Variants in ATP10B observed in about 807,000 individuals in gnomAD.
The protein encoded by ATP10B is phospholipid-transporting ATPase VB.
In ATP10B, 122 loss-of-function variants were observed where a neutral mutation model predicts 141.2. That is an observed-to-expected ratio of 0.86 (90% CI 0.75 to 1.00). ATP10B has a LOEUF of 1.00. ATP10B is among the 50% of genes least tolerant of loss of function. ATP10B has a pLI of 0.00. For missense variants in ATP10B, 1,876 were observed against 1,825.3 expected, an observed-to-expected ratio of 1.03 and a Z score of -0.51; for synonymous variants, 685 against 692.0, an observed-to-expected ratio of 0.99 and a Z score of 0.16.
chr5:160,840,017 G>A (rs184965108), intron 1 of ATP10B, among the ~76,000 whole-genome samples: 180 of 151,994 alleles, frequency 1.2e-3, no homozygotes, highest in African/African-American at 4.0e-3. Context: ...AAATATTTAG[G>A]AGCAAGCACA....
At chr5:160,715,790 C>T (rs1765606484) in intron 3 of ATP10B, among the ~76,000 whole-genome samples, 1 of 151,838 alleles carries the variant, frequency 6.6e-6, no homozygotes, top group Non-Finnish European at 1.5e-5. Context: ...CGGCTCACTG[C>T]AACCTTTGCC....
intron 25 of ATP10B, among the ~76,000 whole-genome samples, chr5:160,568,981 C>G (rs1293608871): frequency 6.6e-6 from 1 of 152,156 alleles, no homozygotes; most frequent in African/African-American, 2.4e-5. Flanking sequence ...CTGGCAATTT[C>G]ATGCACAATT....
Position 160,688,111 on chromosome 5 carries a change from GAGGAGCTATGTTT to G in ATP10B, c.-20-30_-20-18del. On this transcript the variant is annotated intron_variant, in intron 4 of 25. Transcript: ENST00000327245. ...GGCGAAGATCTGAAAACAGACACAG[GAGGAGCTATGTTT>G]AGGAGAAACGTGCAGCATGTTGGCC... is the stretch of plus-strand genomic sequence containing the variant. 6.3e-7 allele frequency: 1 copy of G among 1,596,450 alleles called. No individual in the cohort carries two copies. The highest frequency in any genetic ancestry group is 1.1e-5 in the South Asian group (1 of 87,802).
Position 160,742,370 on chromosome 5 carries a change from T to C in ATP10B, c.-330-25336A>G, listed in dbSNP as rs549781422. ...GCACAGAAGACACAGGAGTCCATAA[T>C]AAAAACTTAAATTTTTGCCACTTGA... On this transcript the variant is annotated intron_variant, in intron 2 of 25. Coordinates refer to ENST00000327245, the MANE Select transcript of ATP10B (RefSeq NM_025153.3). 1.8e-4 allele frequency among the ~76,000 whole-genome samples: 27 copies of C among 151,130 alleles called. No individual in the cohort carries two copies. In the South Asian group the frequency reaches 5.5e-3, roughly 31 times the overall value.
At chr5:160,798,895 G>A (rs1334016487) in intron 1 of ATP10B, among the ~76,000 whole-genome samples, 1 of 151,800 alleles carries the variant, frequency 6.6e-6, no homozygotes, top group African/African-American at 2.4e-5. Context: ...GTGATTGCAG[G>A]GATGTGCTAC....
At chr5:160,583,061 C>T (rs1755657572) in intron 24 of ATP10B, among the ~76,000 whole-genome samples, 1 of 152,116 alleles carries the variant, frequency 6.6e-6, no homozygotes, top group African/African-American at 2.4e-5. Flanking sequence ...TATTACCCAC[C>T]TTCTGAAGCC....
At chr5:160,697,448 G>C (rs1386189282) in intron 3 of ATP10B, among the ~76,000 whole-genome samples, 1 of 152,126 alleles carries the variant, frequency 6.6e-6, no homozygotes, top group Admixed American at 6.5e-5. Context: ...CAGTTCTTAT[G>C]AGCACAAAAA....
At chr5:160,791,398 C>T (rs1237082949) in intron 1 of ATP10B, among the ~76,000 whole-genome samples, 1 of 152,078 alleles carries the variant, frequency 6.6e-6, no homozygotes, top group Non-Finnish European at 1.5e-5. Context: ...TGCCTGTGCT[C>T]AGTAGGAATT....
At chr5:160,920,375 G>A in the ATP10B span, among the ~76,000 whole-genome samples, 1 of 152,106 alleles carries the variant, frequency 6.6e-6, no homozygotes, top group Non-Finnish European at 1.5e-5. Flanking sequence ...GGAAGAAATG[G>A]GCTCAAAGCT....
chr5:160,768,435 T>A (rs1366392254), intron 2 of ATP10B, among the ~76,000 whole-genome samples: 2 of 152,172 alleles, frequency 1.3e-5, no homozygotes, highest in African/African-American at 4.8e-5. Context: ...TCTTGAACAC[T>A]TCCACAATTT....
chr5:160,684,042 A>G (rs1299325859), intron 6 of ATP10B, among the ~76,000 whole-genome samples: 1 of 152,110 alleles, frequency 6.6e-6, no homozygotes, highest in Non-Finnish European at 1.5e-5. Flanking sequence ...TCAGATTTCA[A>G]CTCACCCTAA....
At chr5:160,571,131 G>C (rs1255426034) in intron 24 of ATP10B, among the ~76,000 whole-genome samples, 3 of 152,096 alleles carry the variant, frequency 2.0e-5, no homozygotes, top group Non-Finnish European at 4.4e-5. Flanking sequence ...TCTCATCACA[G>C]TCTTTTCAAA....
At chr5:160,899,416 T>TA in the ATP10B span, among the ~76,000 whole-genome samples, 1 of 152,066 alleles carries the variant, frequency 6.6e-6, no homozygotes, top group Non-Finnish European at 1.5e-5. Context: ...TATGAGGAAC[T>TA]AAAAAGGGGT....
At chr5:160,903,295 C>T in the ATP10B span, among the ~76,000 whole-genome samples, 2,563 of 152,182 alleles carry the variant, frequency 0.017, 77 homozygotes, top group African/African-American at 0.059. Context: ...TCCCAGTTCT[C>T]GATGTGGTGA....
intron 2 of ATP10B, among the ~76,000 whole-genome samples, chr5:160,778,917 C>G (rs949326876): frequency 6.6e-6 from 1 of 152,132 alleles, no homozygotes; most frequent in Non-Finnish European, 1.5e-5. Flanking sequence ...TTCTGCTTCT[C>G]TATGTCTAGT....
chr5:160,566,273 C>T lies in ATP10B; in HGVS notation c.3939-373G>A, dbSNP rs367601987. Among the ~76,000 whole-genome samples the T allele has an allele frequency of 6.6e-5, 10 of 152,324 alleles. No homozygotes were observed. The East Asian group carries it at 1.5e-3, about 24-fold the overall frequency. On this transcript the variant is annotated intron_variant, in intron 25 of 25. Coordinates refer to ENST00000327245, the MANE Select transcript of ATP10B (RefSeq NM_025153.3). ...CACAGTGGTTGAGCTATGGTCAGAA[C>T]CACACTCTCTGAATCCAAAGACTTG...
upstream of ATP10B, among the ~76,000 whole-genome samples, chr5:160,856,375 G>T (rs768887211): frequency 2.6e-5 from 4 of 151,780 alleles, no homozygotes; most frequent in Admixed American, 6.6e-5. Flanking sequence ...CAATTTTGGT[G>T]ACTTGCTCAT....
chr5:160,627,440 C>A (rs1312160311), intron 13 of ATP10B, among the ~76,000 whole-genome samples: 1 of 152,134 alleles, frequency 6.6e-6, no homozygotes, highest in Non-Finnish European at 1.5e-5. Flanking sequence ...TGTTGACTGA[C>A]CCAATAAATG....
At chr5:160,763,930 T>C (rs1416497790) in intron 2 of ATP10B, among the ~76,000 whole-genome samples, 3 of 152,272 alleles carry the variant, frequency 2.0e-5, no homozygotes, top group Non-Finnish European at 2.9e-5. Flanking sequence ...TATGAACACC[T>C]TTTTGTGCCT....
Sources: gnomAD v4.1 joint callset for allele counts (sites outside exome capture counted in the v4.1 genomes callset) on GRCh38, gnomAD v4.1.1 for gene constraint, MANE v1.5 for transcripts, NCBI Gene and HGNC (gene_info 2026-07-23, HGNC 2026-07-21) for gene names.